Variants in NRG1 observed in about 807,000 individuals in gnomAD.
NRG1 encodes the protein neuregulin 1, also known as pro-neuregulin-1, membrane-bound isoform.
NRG1 carries 18 observed loss-of-function variants against 63.8 expected under a neutral mutation model. The ratio of observed to expected loss-of-function variants is 0.28; its 90% CI spans 0.19 to 0.42. The LOEUF (loss-of-function observed/expected upper bound fraction) is 0.42. NRG1 is among the 10% of genes least tolerant of loss of function. The probability of loss-of-function intolerance (pLI) is 1.00; values close to 1 mark genes in which losing one functional copy is unlikely to be tolerated. For missense variants in NRG1, 762 were observed against 814.7 expected (o/e 0.94, Z 0.79); for synonymous variants, 302 against 301.3 (o/e 1.00, Z -0.02).
intron 1 of NRG1, among the ~76,000 whole-genome samples, chr8:31,672,829 A>G (rs1807292104): frequency 6.6e-6 from 1 of 152,148 alleles, no homozygotes; most frequent in African/African-American, 2.4e-5. Context: ...GAGCAGAAAT[A>G]TATCCCTTTA....
intron 1 of NRG1, among the ~76,000 whole-genome samples, chr8:32,439,603 G>C (rs1819252194): frequency 6.6e-6 from 1 of 151,922 alleles, no homozygotes; most frequent in South Asian, 2.1e-4. Flanking sequence ...GGACATTACA[G>C]GCTATTTTCA....
chr8:31,845,535 G>T (rs1826605163), intron 1 of NRG1, among the ~76,000 whole-genome samples: 1 of 152,082 alleles, frequency 6.6e-6, no homozygotes, highest in African/African-American at 2.4e-5. Context: ...TTTGAATGAA[G>T]GTGAAAATGC....
At chr8:32,750,293 A>G (rs1199328792) in intron 7 of NRG1, among the ~76,000 whole-genome samples, 1 of 152,172 alleles carries the variant, frequency 6.6e-6, no homozygotes, top group Non-Finnish European at 1.5e-5. Flanking sequence ...CAAATAGAAA[A>G]TTTCACACTG....
intron 1 of NRG1, among the ~76,000 whole-genome samples, chr8:32,420,033 G>A: frequency 6.6e-6 from 1 of 152,186 alleles, no homozygotes; most frequent in Middle Eastern, 3.2e-3. Context: ...GCCTGATGCT[G>A]ATGACTCTTC....
At chr8:32,670,502 C>T (rs6987826) in intron 5 of NRG1, among the ~76,000 whole-genome samples, 2,657 of 152,188 alleles carry the variant, frequency 0.017, 84 homozygotes, top group African/African-American at 0.06. Context: ...CTTATCCACT[C>T]TCCCACCAAC....
chr8:32,136,393 G>A (rs1003049466), intron 1 of NRG1, among the ~76,000 whole-genome samples: 2 of 152,124 alleles, frequency 1.3e-5, no homozygotes, highest in Non-Finnish European at 2.9e-5. Context: ...CATAAAGTCC[G>A]TGGTCTCTGA....
intron 1 of NRG1, among the ~76,000 whole-genome samples, chr8:32,039,992 A>T (rs558580462): frequency 6.6e-6 from 1 of 152,270 alleles, no homozygotes; most frequent in East Asian, 1.9e-4. Context: ...ACTGCACTCC[A>T]GCCTAGGTGA....
intron 1 of NRG1, among the ~76,000 whole-genome samples, chr8:32,476,243 A>G (rs574371206): frequency 2.0e-5 from 3 of 152,352 alleles, no homozygotes; most frequent in Admixed American, 2.0e-4. Flanking sequence ...AGAGCAAGGT[A>G]TGTAAAGAAT....
chr8:31,695,149 A>G lies in NRG1; in HGVS notation c.37+55718A>G, dbSNP rs576405195. The stretch of plus-strand genomic sequence containing the variant: ...TGGCAGAGCAGGAGGAAGAGAGTAA[A>G]AGGAGAAGTGCTACACACTTTTATT... On this transcript the variant is annotated intron_variant, in intron 1 of 10. Coordinates refer to the NRG1 transcript ENST00000519301. Among the ~76,000 whole-genome samples the G allele has an allele frequency of 1.4e-4, 21 of 152,258 alleles. No individual in the cohort carries two copies. The South Asian group carries it at 4.3e-3, about 32-fold the overall frequency.
At chr8:32,203,099 G>C (rs962117798) in intron 1 of NRG1, among the ~76,000 whole-genome samples, 1 of 149,928 alleles carries the variant, frequency 6.7e-6, no homozygotes, top group Non-Finnish European at 1.5e-5. Flanking sequence ...TTTGGCTTCT[G>C]TCACTGACTC....
chr8:32,013,635 G>A (rs1815077835), intron 1 of NRG1, among the ~76,000 whole-genome samples: 1 of 151,970 alleles, frequency 6.6e-6, no homozygotes, highest in Admixed American at 6.6e-5. Flanking sequence ...CCATACAGGA[G>A]AGAACCTACA....
chr8:32,175,990 T>G (rs1840683859), intron 1 of NRG1, among the ~76,000 whole-genome samples: 1 of 152,034 alleles, frequency 6.6e-6, no homozygotes, highest in African/African-American at 2.4e-5. Context: ...TACTTTAAAG[T>G]TCATATGGAA....
rs890034082 is a variant in NRG1, at chr8:31,877,911, C to T, written c.37+238480C>T. Among the ~76,000 whole-genome samples, 12 of 152,278 alleles carry T rather than the reference C, an allele frequency of 7.9e-5. No individual in the cohort carries two copies. In the Middle Eastern group the frequency reaches 0.01, roughly 130 times the overall value. On this transcript the variant is annotated intron_variant, in intron 1 of 10. Coordinates refer to the NRG1 transcript ENST00000519301. ...TAGGTTAGAGACTGTTTATAATCATCGGAGCCTAGATTTTATTTTACTTAA... is the reference window on the plus strand; with the variant it reads ...TAGGTTAGAGACTGTTTATAATCATTGGAGCCTAGATTTTATTTTACTTAA...
chr8:32,054,319 T>G (rs925802753), intron 1 of NRG1, among the ~76,000 whole-genome samples: 3 of 152,176 alleles, frequency 2.0e-5, no homozygotes, highest in Admixed American at 1.3e-4. Context: ...AGGGCAGTGG[T>G]CAATATCTTT....
At chr8:31,973,743 A>G (rs1807687126) in intron 1 of NRG1, among the ~76,000 whole-genome samples, 1 of 152,236 alleles carries the variant, frequency 6.6e-6, no homozygotes, top group African/African-American at 2.4e-5. Context: ...AGGGGCAAGG[A>G]TTCAGGAAAT....
In NRG1 at chr8:32,657,283, T is replaced by TCCTTTTCCCTC. The variant is rs1465347640; in HGVS notation, c.502+40404_502+40414dup. 4.2e-3 allele frequency among the ~76,000 whole-genome samples: 637 copies of TCCTTTTCCCTC among 151,988 alleles called. 8 individuals carry two copies. Among genetic ancestry groups the TCCTTTTCCCTC allele is most frequent in the African/African-American group, 0.015 (618 of 41,438 alleles). On this transcript the variant is annotated intron_variant, in intron 5 of 11. Coordinates refer to ENST00000356819, the Ensembl canonical transcript of NRG1. ...ATAATTTTGTTTCCCCCGTTTACCT[T>TCCTTTTCCCTC]CCTTTTCCCTCCCTTTGTTTCTTTC...
chr8:32,353,183 G>C (rs541547216), intron 1 of NRG1, among the ~76,000 whole-genome samples: 1 of 150,304 alleles, frequency 6.7e-6, no homozygotes, highest in Non-Finnish European at 1.5e-5. Flanking sequence ...AATTAAAATA[G>C]CATGTTATGC....
chr8:31,642,520 A>G (rs949820897), intron 1 of NRG1, among the ~76,000 whole-genome samples: 3 of 152,216 alleles, frequency 2.0e-5, no homozygotes, highest in African/African-American at 7.2e-5. Flanking sequence ...TTGGAAATGG[A>G]AAACTCATGT....
intron 1 of NRG1, among the ~76,000 whole-genome samples, chr8:32,133,699 A>G (rs1563824862): frequency 6.6e-6 from 1 of 152,162 alleles, no homozygotes; most frequent in Non-Finnish European, 1.5e-5. Context: ...CATCTATTAT[A>G]TCATCTCCTG....
Sources: gnomAD v4.1 joint callset for allele counts (sites outside exome capture counted in the v4.1 genomes callset) on GRCh38, gnomAD v4.1.1 for gene constraint, MANE v1.5 for transcripts, NCBI Gene and HGNC (gene_info 2026-07-23, HGNC 2026-07-21) for gene names.